The following PPP1R9A variants were observed in gnomAD, a reference collection of about 807,000 sequenced individuals.
The protein encoded by PPP1R9A is protein phosphatase 1 regulatory subunit 9A, also known as neurabin-1.
In PPP1R9A, 59 loss-of-function variants were observed where a neutral mutation model predicts 141.9. That is an observed-to-expected ratio of 0.42 (90% CI 0.34 to 0.52). PPP1R9A has a LOEUF of 0.52. Ranked by LOEUF, PPP1R9A falls within the 20% of genes least tolerant of loss-of-function variation. The pLI, the probability that PPP1R9A is intolerant of heterozygous loss-of-function variation, is 0.10. For synonymous variants in PPP1R9A, 500 were observed against 569.7 expected (o/e 0.88, Z 1.74); for missense variants, 1,444 against 1,611.9 (o/e 0.90, Z 1.78).
chr7:94,909,299 T>C (rs867583427), intron 1 of PPP1R9A, among the ~76,000 whole-genome samples: 3 of 152,358 alleles, frequency 2.0e-5, no homozygotes, highest in Middle Eastern at 6.8e-3. Context: ...GTGAAACTTA[T>C]TGCTATTCAG....
chr7:95,138,065 T>C (rs766684639), intron 4 of PPP1R9A, among the ~76,000 whole-genome samples: 10 of 151,860 alleles, frequency 6.6e-5, no homozygotes, highest in Non-Finnish European at 1.3e-4. Flanking sequence ...CCCAAGTAGC[T>C]GGGACTAAAG....
intron 4 of PPP1R9A, among the ~76,000 whole-genome samples, chr7:95,132,648 G>A (rs6955083): frequency 0.28 from 43,089 of 151,864 alleles, 7,502 homozygotes; most frequent in Middle Eastern, 0.43. Context: ...AAATCTCTGC[G>A]GCCGATGTCT....
intron 14 of PPP1R9A, among the ~76,000 whole-genome samples, chr7:95,270,334 A>G (rs1801975090): frequency 6.6e-6 from 1 of 152,186 alleles, no homozygotes; most frequent in Non-Finnish European, 1.5e-5. Flanking sequence ...CTTTTGGTCT[A>G]TCAAGTTACC....
At chr7:95,140,892 A>T (rs937743858) in intron 4 of PPP1R9A, among the ~76,000 whole-genome samples, 19 of 151,532 alleles carry the variant, frequency 1.3e-4, no homozygotes, top group Non-Finnish European at 2.4e-4. Flanking sequence ...TTATTTATTT[A>T]TTTTTTTTAA....
At position 95,250,269 on chromosome 7, in the gene PPP1R9A, A is replaced by G. The variant is rs373778480; in HGVS notation, c.2396+14A>G. On this transcript the variant is annotated intron_variant, in intron 10 of 19. Transcript: ENST00000433360. Reference sequence around the variant, plus strand: ...TTTTCAACAAAAGTAAGCCGCTTCTAATAACTAAAGAATAGTTATGTTTGT... The same window carrying G: ...TTTTCAACAAAAGTAAGCCGCTTCTGATAACTAAAGAATAGTTATGTTTGT... 2.5e-6 allele frequency: 4 copies of G among 1,585,196 alleles called. No individual in the cohort carries two copies. The highest frequency in any genetic ancestry group is 2.3e-5 in the South Asian group (2 of 87,646).
At chr7:94,937,948 T>C (rs1248112903) in intron 2 of PPP1R9A, among the ~76,000 whole-genome samples, 1 of 152,164 alleles carries the variant, frequency 6.6e-6, no homozygotes, top group Non-Finnish European at 1.5e-5. Context: ...GAAATATTAG[T>C]TCCCTTCCCA....
intron 8 of PPP1R9A, among the ~76,000 whole-genome samples, chr7:95,236,411 A>G (rs1585393376): frequency 6.6e-6 from 1 of 152,048 alleles, no homozygotes; most frequent in African/African-American, 2.4e-5. Flanking sequence ...AGTACCTTTC[A>G]TAATAATTAT....
chr7:94,962,212 T>A (rs2151133842), intron 2 of PPP1R9A, among the ~76,000 whole-genome samples: 1 of 152,078 alleles, frequency 6.6e-6, no homozygotes, highest in East Asian at 1.9e-4. Context: ...TTCTGGGTAG[T>A]TTGTTGTCTC....
At chr7:95,080,288 A>C (rs1189504048) in intron 2 of PPP1R9A, among the ~76,000 whole-genome samples, 5 of 152,016 alleles carry the variant, frequency 3.3e-5, no homozygotes, top group Non-Finnish European at 7.4e-5. Flanking sequence ...ATTCTTATAC[A>C]CCAATAACAG....
intron 2 of PPP1R9A, among the ~76,000 whole-genome samples, chr7:95,022,832 C>G (rs1441958815): frequency 2.6e-5 from 4 of 152,114 alleles, no homozygotes; most frequent in African/African-American, 7.2e-5. Flanking sequence ...ATGAAGCCAA[C>G]TTGATCGTGG....
chr7:94,969,650 G>C (rs962790470), intron 2 of PPP1R9A, among the ~76,000 whole-genome samples: 1 of 152,144 alleles, frequency 6.6e-6, no homozygotes, highest in Non-Finnish European at 1.5e-5. Context: ...GAGGCAATCT[G>C]ATGCTTAGCA....
At chr7:94,970,191 G>T (rs1035316703) in intron 2 of PPP1R9A, among the ~76,000 whole-genome samples, 2 of 152,092 alleles carry the variant, frequency 1.3e-5, no homozygotes, top group Non-Finnish European at 2.9e-5. Context: ...TGCCACTGGG[G>T]TATGAAAAAA....
intron 2 of PPP1R9A, among the ~76,000 whole-genome samples, chr7:95,069,795 G>A (rs976987648): frequency 2.6e-5 from 4 of 152,118 alleles, no homozygotes; most frequent in Admixed American, 1.3e-4. Flanking sequence ...CAAGCGAAGA[G>A]ACAGCCAAGG....
intron 2 of PPP1R9A, among the ~76,000 whole-genome samples, chr7:95,094,488 C>T (rs1817760777): frequency 6.6e-6 from 1 of 152,140 alleles, no homozygotes; most frequent in East Asian, 1.9e-4. Flanking sequence ...TTAGGAATGG[C>T]ACCTAGATGT....
chr7:94,997,473 G>A (rs535697295), intron 2 of PPP1R9A, among the ~76,000 whole-genome samples: 18 of 152,166 alleles, frequency 1.2e-4, no homozygotes, highest in East Asian at 9.7e-4. Context: ...TCAAAACTTC[G>A]TTATAGTGGG....
intron 8 of PPP1R9A, among the ~76,000 whole-genome samples, chr7:95,236,670 CTAAT>C (rs1796717373): frequency 7.1e-6 from 1 of 141,054 alleles, no homozygotes; most frequent in African/African-American, 2.6e-5. Flanking sequence ...TTTTTAGTTC[CTAAT>C]TGTTTCTTCT....
rs200530617 is a variant in PPP1R9A at position 95,185,026 on chromosome 7, G to GT, written c.1755-13310dup. Among the ~76,000 whole-genome samples the GT allele has an allele frequency of 3.1e-3, 454 of 146,142 alleles. 1 individual carries two copies. Among genetic ancestry groups the GT allele is most frequent in the African/African-American group, 8.7e-3 (348 of 39,940 alleles). ...GGTCAAATAGTAGTTCTACTTTTAA[G>GT]TTTTTTTTTTTTTAATTTATTTATT... On this transcript the variant is annotated intron_variant, in intron 5 of 19. Transcript: ENST00000433360.
At chr7:95,081,555 A>G (rs577621906) in intron 2 of PPP1R9A, among the ~76,000 whole-genome samples, 240 of 152,342 alleles carry the variant, frequency 1.6e-3, no homozygotes, top group Non-Finnish European at 3.1e-3. Flanking sequence ...GAAATTTAAG[A>G]TACAGCTATA....
At chr7:94,927,684 CCTT>C (rs1793654480) in intron 2 of PPP1R9A, among the ~76,000 whole-genome samples, 1 of 152,096 alleles carries the variant, frequency 6.6e-6, no homozygotes, top group African/African-American at 2.4e-5. Flanking sequence ...AACCTTTTCT[CCTT>C]GAGACTATAG....
Sources: gnomAD v4.1 joint callset for allele counts (sites outside exome capture counted in the v4.1 genomes callset) on GRCh38, gnomAD v4.1.1 for gene constraint, MANE v1.5 for transcripts, NCBI Gene and HGNC (gene_info 2026-07-23, HGNC 2026-07-21) for gene names.